Variants in ARHGEF10 observed in about 807,000 individuals in gnomAD.
ARHGEF10 encodes the protein Rho guanine nucleotide exchange factor 10, also known as Rho guanine nucleotide exchange factor (GEF) 10.
ARHGEF10 carries 140 observed loss-of-function variants against 147.4 expected under a neutral mutation model. That is an observed-to-expected ratio of 0.95 (90% CI 0.83 to 1.09). The LOEUF is 1.09. ARHGEF10 is among the 50% of genes least tolerant of loss of function. The pLI is 0.00. For missense variants in ARHGEF10, 2,222 were observed against 1,752.7 expected (o/e 1.27, Z -4.78); for synonymous variants, 902 against 695.8 (o/e 1.30, Z -4.67).
chr8:1,877,101 A>C (rs1807773898), intron 8 of ARHGEF10, among the ~76,000 whole-genome samples: 1 of 152,272 alleles, frequency 6.6e-6, no homozygotes, highest in Non-Finnish European at 1.5e-5. Context: ...CCTAAGACAC[A>C]GCACATCTGC....
chr8:1,955,512 T>C (rs566010161), intron 28 of ARHGEF10, among the ~76,000 whole-genome samples: 1 of 148,816 alleles, frequency 6.7e-6, no homozygotes, highest in African/African-American at 2.5e-5. Context: ...TTTCTCTGGA[T>C]GGGTAGCTAG....
chr8:1,883,221 G>A (rs1305190600), intron 10 of ARHGEF10, among the ~76,000 whole-genome samples: 1 of 152,166 alleles, frequency 6.6e-6, no homozygotes, highest in Non-Finnish European at 1.5e-5. Context: ...GCAGTGGTCT[G>A]TGCAGTTATG....
intron 1 of ARHGEF10, among the ~76,000 whole-genome samples, chr8:1,836,757 G>T (rs774362158): frequency 2.6e-5 from 4 of 152,146 alleles, no homozygotes; most frequent in Non-Finnish European, 4.4e-5. Context: ...AACTTGAATT[G>T]TATCTCCCAG....
chr8:1,920,447 C>T (rs1220320681), intron 18 of ARHGEF10, among the ~76,000 whole-genome samples: 1 of 151,820 alleles, frequency 6.6e-6, no homozygotes, highest in Non-Finnish European at 1.5e-5. Flanking sequence ...TTCAGCCTCC[C>T]AAGTATTTGG....
At chr8:1,928,851 A>G (rs1479592205) in intron 24 of ARHGEF10, among the ~76,000 whole-genome samples, 2 of 152,054 alleles carry the variant, frequency 1.3e-5, no homozygotes, top group African/African-American at 4.8e-5. Flanking sequence ...ATTCTAGGAA[A>G]CTCTTAAAGA....
chr8:1,875,258 A>T (rs1373935249), intron 7 of ARHGEF10, among the ~76,000 whole-genome samples: 7 of 151,284 alleles, frequency 4.6e-5, no homozygotes, highest in Admixed American at 3.3e-4. Context: ...CAGGGCGTGT[A>T]GGGGGTGGAG....
chr8:1,859,768 G>A (rs1179413135), intron 3 of ARHGEF10, 129 bp from the exon 4 acceptor site: 1 of 1,154,036 alleles, frequency 8.7e-7, no homozygotes, highest in Non-Finnish European at 1.3e-6. Context: ...GATGACCTGG[G>A]AACGTCTAGG....
chr8:1,858,255 C>T lies in ARHGEF10; in HGVS notation c.193+140C>T, dbSNP rs975708213. 38 of 706,052 alleles carry T rather than the reference C, an allele frequency of 5.4e-5. 1 individual carries two copies. The highest frequency in any genetic ancestry group is 7.3e-5 in the Non-Finnish European group (32 of 437,940). 43.7% of individuals were successfully genotyped at this position (706,052 alleles called of 1,614,324 possible). A position where few individuals can be genotyped will look rare whatever the true frequency, so the allele number is the denominator to read the frequency against. On this transcript the variant is annotated intron_variant, in intron 3 of 28. Coordinates refer to ENST00000349830, the MANE Select transcript of ARHGEF10 (RefSeq NM_014629.4). ...CCCCAGGTGGGTCCCCAGGTGAGTC[C>T]CCTGGGGGGTTCCCAGGTGAGTCCG...
intron 2 of ARHGEF10, among the ~76,000 whole-genome samples, chr8:1,850,067 TGCGTGG>T (rs1563173950): frequency 0.018 from 807 of 44,644 alleles, 37 homozygotes; most frequent in African/African-American, 0.043. Context: ...GTGGGCCGGC[TGCGTGG>T]ACACAGAGGG....
chr8:1,884,509 A>G (rs780824079), intron 10 of ARHGEF10, among the ~76,000 whole-genome samples: 1 of 152,168 alleles, frequency 6.6e-6, no homozygotes, highest in African/African-American at 2.4e-5. Flanking sequence ...CCTAAGAATT[A>G]ACTAGAAAGC....
intron 15 of ARHGEF10, among the ~76,000 whole-genome samples, chr8:1,902,411 CTGT>C (rs1213594456): frequency 2.6e-5 from 4 of 152,138 alleles, no homozygotes; most frequent in Admixed American, 2.0e-4. Flanking sequence ...TTTTTGCTGG[CTGT>C]TGTTGTTGAT....
chr8:1,888,197 G>A (rs1222683898), intron 11 of ARHGEF10, among the ~76,000 whole-genome samples: 1 of 50,506 alleles, frequency 2.0e-5, no homozygotes, highest in Non-Finnish European at 4.0e-5. Context: ...GGTTTGCGAG[G>A]AGACACTTAG....
At chr8:1,864,313 C>T (rs1264171877) in intron 4 of ARHGEF10, 60 bp from the exon 5 acceptor site, 3 of 1,525,716 alleles carry the variant, frequency 2.0e-6, no homozygotes, top group East Asian at 4.5e-5. Flanking sequence ...GTAAAAACAT[C>T]AACTTCATGA....
chr8:1,849,978 C>CCGCG (rs1248983216), intron 2 of ARHGEF10, among the ~76,000 whole-genome samples: 6 of 112,714 alleles, frequency 5.3e-5, no homozygotes, highest in African/African-American at 1.0e-4. Context: ...CGTGGGCCGG[C>CCGCG]TGCATGGACA....
intron 10 of ARHGEF10, among the ~76,000 whole-genome samples, chr8:1,884,850 C>T (rs552437399): frequency 6.6e-6 from 1 of 152,284 alleles, no homozygotes; most frequent in South Asian, 2.1e-4. Context: ...CTGCAGCCTC[C>T]ACCTCCTGGG....
In ARHGEF10 at chr8:1,942,841, G is replaced by A. The variant is rs142719717; in HGVS notation, c.3223-2640G>A. On this transcript the variant is annotated intron_variant, in intron 26 of 28. Coordinates refer to ENST00000349830, the MANE Select transcript of ARHGEF10 (RefSeq NM_014629.4). ...TGAAAGAAGCCAGACACAAAAGGCC[G>A]AACATTGTAGGATTTTGTTTATATG... is the stretch of plus-strand genomic sequence containing the variant. Among the ~76,000 whole-genome samples, 963 of 148,908 alleles carry A rather than the reference G, an allele frequency of 6.5e-3. 6 individuals are homozygous for A. Among genetic ancestry groups the A allele is most frequent in the Non-Finnish European group, 0.01 (696 of 66,992 alleles).
intron 1 of ARHGEF10, among the ~76,000 whole-genome samples, chr8:1,827,786 T>C (rs952056335): frequency 1.3e-5 from 2 of 152,236 alleles, no homozygotes; most frequent in Non-Finnish European, 2.9e-5. Context: ...TTAAAAATGT[T>C]TGGGTTCAAA....
chr8:1,929,586 A>C (rs1812956092), intron 25 of ARHGEF10, 143 bp downstream of exon 25: 14 of 973,790 alleles, frequency 1.4e-5, no homozygotes, highest in Non-Finnish European at 1.9e-5. Flanking sequence ...CCCTTGCCCA[A>C]GGCCCGGGTG....
rs1344632792 is a variant in ARHGEF10 at position 1,919,943 on chromosome 8, GA to G, written c.2144-3020del. 3.8e-3 allele frequency among the ~76,000 whole-genome samples: 567 copies of G among 149,904 alleles called. 18 individuals carry two copies. The highest frequency in any genetic ancestry group is 5.4e-3 in the Non-Finnish European group (364 of 67,496). On this transcript the variant is annotated intron_variant, in intron 18 of 28. Coordinates refer to ENST00000349830, the MANE Select transcript of ARHGEF10 (RefSeq NM_014629.4). The stretch of plus-strand genomic sequence containing the variant: ...TGATGGAGCTGTTCTATGGGTGATG[GA>G]GCTGTTCTATGGGTGATGGAGCTGT...
Sources: allele counts gnomAD v4.1 joint callset (sites outside exome capture counted in the v4.1 genomes callset), GRCh38; gene constraint gnomAD v4.1.1; transcripts MANE v1.5; gene names NCBI Gene and HGNC (gene_info 2026-07-23, HGNC 2026-07-21).